PIGF: variants seen among roughly 807,000 people sequenced by gnomAD.
The protein encoded by PIGF is phosphatidylinositol glycan anchor biosynthesis class F.
A neutral mutation model predicts 26.0 loss-of-function variants in PIGF; 23 were observed. The observed-to-expected ratio is 0.88, with a 90% CI of 0.64 to 1.25. PIGF has a LOEUF of 1.25. Among genes scored for constraint, PIGF ranks in the 50% most tolerant of loss-of-function variants. The pLI is 0.00. For missense variants in PIGF, 278 were observed against 249.9 expected, an observed-to-expected ratio of 1.11 and a Z score of -0.76; for synonymous variants, 93 against 92.6, an observed-to-expected ratio of 1.00 and a Z score of -0.03.
chr2:46,603,397 G>C (rs1670120616), intron 4 of PIGF, among the ~76,000 whole-genome samples: 1 of 151,922 alleles, frequency 6.6e-6, no homozygotes, highest in Admixed American at 6.6e-5. Flanking sequence ...ACCCAGAATA[G>C]CCAAAGCTAT....
chr2:46,613,787 TA>T lies in PIGF; in HGVS notation c.229-3del. ...ACAGCATTTCAAAAATCCAGTTACC[TA>T]AAAGAGAAATGAATAACCTGAAGAT... is the stretch of plus-strand genomic sequence containing the variant. On this transcript the variant is annotated splice_polypyrimidine_tract_variant and splice_region_variant and intron_variant, in intron 2 of 5. Coordinates refer to ENST00000281382, the MANE Select transcript of PIGF (RefSeq NM_002643.4). 1 of 1,534,044 alleles carries T rather than the reference TA, an allele frequency of 6.5e-7. No individual in the cohort carries two copies. The highest frequency in any genetic ancestry group is 8.9e-7 in the Non-Finnish European group (1 of 1,124,580).
At position 46,581,500 on chromosome 2, in the gene PIGF, T is replaced by A; in HGVS notation, c.638A>T (p.Gln213Leu). ...CAGTTAATTGTTCTTGTATGTAAGT[T>A]GCTTTCTATTCCAGTATATCCAGAG... ...SPLWIYWNRK[Q>L]LTYKNN Residue 213 changes from glutamine (Q) to leucine (L), a missense_variant, in exon 6 of 6, where the codon CAA (glutamine) becomes CTA (leucine). By Grantham distance (113) the Gln-to-Leu change is moderately radical (BLOSUM62 -2). Transcript: ENST00000281382. 1 of 1,611,476 alleles carries A rather than the reference T, an allele frequency of 6.2e-7. No homozygotes were observed. The highest frequency in any genetic ancestry group is 1.3e-5 in the African/African-American group (1 of 74,966).
At chr2:46,608,669 T>C (rs1045901819) in intron 4 of PIGF, among the ~76,000 whole-genome samples, 22 of 152,200 alleles carry the variant, frequency 1.4e-4, no homozygotes, top group African/African-American at 4.8e-4. Flanking sequence ...ACAGAATGGA[T>C]CTTGTGTTGT....
At chr2:46,609,109 A>G (rs10188220) in intron 4 of PIGF, among the ~76,000 whole-genome samples, 2,244 of 152,320 alleles carry the variant, frequency 0.015, 59 homozygotes, top group African/African-American at 0.052. Context: ...TCTGTTATTT[A>G]GCCACCTTCA....
At chr2:46,600,034 G>A (rs1312922508) in intron 4 of PIGF, among the ~76,000 whole-genome samples, 1 of 152,220 alleles carries the variant, frequency 6.6e-6, no homozygotes, top group Non-Finnish European at 1.5e-5. Flanking sequence ...TGCTATCTCT[G>A]TGATTCAGTT....
intron 5 of PIGF, among the ~76,000 whole-genome samples, chr2:46,592,271 G>C (rs913628456): frequency 6.6e-6 from 1 of 152,138 alleles, no homozygotes; most frequent in Non-Finnish European, 1.5e-5. Flanking sequence ...AATAGTGCTA[G>C]AAGATAAAAC....
At chr2:46,598,961 C>A (rs1669973732) in intron 4 of PIGF, among the ~76,000 whole-genome samples, 1 of 152,150 alleles carries the variant, frequency 6.6e-6, no homozygotes, top group South Asian at 2.1e-4. Flanking sequence ...ACCTGACTTT[C>A]CTTTAGAGAA....
intron 4 of PIGF, among the ~76,000 whole-genome samples, chr2:46,605,270 A>G (rs1254343714): frequency 2.0e-5 from 3 of 151,782 alleles, no homozygotes; most frequent in Non-Finnish European, 4.4e-5. Flanking sequence ...TAAAAGTACT[A>G]AGAAGAAGTG....
chr2:46,590,968 T>C (rs1669706114), intron 5 of PIGF, among the ~76,000 whole-genome samples: 1 of 152,220 alleles, frequency 6.6e-6, no homozygotes, highest in South Asian at 2.1e-4. Flanking sequence ...TAGGCAGTTA[T>C]GTGCAAGGCA....
At chr2:46,615,277 A>T in intron 1 of PIGF, 92 bp from the exon 2 acceptor site, 1 of 624,740 alleles carries the variant, frequency 1.6e-6, no homozygotes, top group East Asian at 2.7e-5. Context: ...TCATAAAGTC[A>T]ATTTTCTATG....
At chr2:46,608,675 G>A (rs886911019) in intron 4 of PIGF, among the ~76,000 whole-genome samples, 3 of 152,142 alleles carry the variant, frequency 2.0e-5, no homozygotes, top group Non-Finnish European at 4.4e-5. Context: ...TGGATCTTGT[G>A]TTGTAGGCAT....
chr2:46,583,428 A>T (rs990752520), intron 5 of PIGF, among the ~76,000 whole-genome samples: 2 of 152,156 alleles, frequency 1.3e-5, no homozygotes, highest in Admixed American at 6.5e-5. Flanking sequence ...CACATTCTCA[A>T]GATGGTAAAA....
rs769758060 is a variant in PIGF at position 46,592,362 on chromosome 2, T to G, written c.546+113A>C. 4.6e-6 allele frequency: 3 copies of G among 650,452 alleles called. No homozygotes were observed. In the African/African-American group the frequency reaches 5.4e-5, roughly 12 times the overall value. 40.3% of individuals were successfully genotyped at this position (650,452 alleles called of 1,614,324 possible). A position where few individuals can be genotyped will look rare whatever the true frequency, so the allele number is the denominator to read the frequency against. On this transcript the variant is annotated intron_variant, in intron 5 of 5. Coordinates refer to ENST00000281382, the MANE Select transcript of PIGF (RefSeq NM_002643.4). ...ATTACAGTGACTGATAGAAGTGGTA[T>G]CCCTACTTAATTGAACAACAAAACA... is the stretch of plus-strand genomic sequence containing the variant.
intron 2 of PIGF, 131 bp downstream of exon 2, chr2:46,614,806 T>C: frequency 1.7e-6 from 1 of 583,210 alleles, no homozygotes; most frequent in Non-Finnish European, 3.1e-6. Flanking sequence ...CCTACCAATT[T>C]GGGGGGAAAA....
At chr2:46,596,761 G>A (rs1411090986) in intron 4 of PIGF, among the ~76,000 whole-genome samples, 1 of 151,798 alleles carries the variant, frequency 6.6e-6, no homozygotes, top group Non-Finnish European at 1.5e-5. Flanking sequence ...TCTACAAGCT[G>A]CCTACCTCCA....
At chr2:46,591,773 C>A in intron 5 of PIGF, 1 of 1,218,258 alleles carries the variant, frequency 8.2e-7, no homozygotes. Context: ...GTTTCCTCAT[C>A]TGTAAAATGG....
chr2:46,611,319 A>C (rs1291450782), intron 4 of PIGF, among the ~76,000 whole-genome samples: 1 of 151,988 alleles, frequency 6.6e-6, no homozygotes, highest in East Asian at 1.9e-4. Context: ...CCCTGTCTCT[A>C]CTAAAAATAG....
chr2:46,591,391 T>C (rs1669718489), intron 5 of PIGF: 2 of 315,758 alleles, frequency 6.3e-6, no homozygotes, highest in African/African-American at 2.3e-5. Context: ...ATTTTTACTT[T>C]CTTCCTTAGA....
chr2:46,582,930 T>C (rs1232399048), intron 5 of PIGF: 3 of 152,276 alleles, frequency 2.0e-5, no homozygotes, highest in Non-Finnish European at 4.4e-5. Context: ...GAAATGGTGG[T>C]TCACATTAAA....
Sources: gnomAD v4.1 joint callset for allele counts (sites outside exome capture counted in the v4.1 genomes callset) on GRCh38, gnomAD v4.1.1 for gene constraint, MANE v1.5 for transcripts, NCBI Gene and HGNC (gene_info 2026-07-23, HGNC 2026-07-21) for gene names.